Variants in CSMD1 observed in about 807,000 individuals in gnomAD.
CSMD1 encodes CUB and Sushi multiple domains 1.
In CSMD1, 213 loss-of-function variants were observed where a neutral mutation model predicts 417.5. That is an observed-to-expected ratio of 0.51 (90% confidence interval 0.46 to 0.57). CSMD1 has a LOEUF of 0.57. Ranked by LOEUF, CSMD1 falls within the 20% of genes least tolerant of loss-of-function variation. The probability of loss-of-function intolerance (pLI) is 0.00; values close to 1 mark genes in which losing one functional copy is unlikely to be tolerated. For synonymous variants in CSMD1, 2,862 were observed against 1,736.8 expected, an observed-to-expected ratio of 1.65 and a Z score of -16.11; for missense variants, 6,923 against 4,529.7, an observed-to-expected ratio of 1.53 and a Z score of -15.17.
At chr8:4,870,251 C>T (rs1274819007) in intron 1 of CSMD1, among the ~76,000 whole-genome samples, 1 of 152,042 alleles carries the variant, frequency 6.6e-6, no homozygotes, top group Non-Finnish European at 1.5e-5. Flanking sequence ...AAACTGGAAA[C>T]ATCTAGGTTT....
chr8:4,793,878 T>A (rs1267093279), intron 1 of CSMD1, among the ~76,000 whole-genome samples: 1 of 149,810 alleles, frequency 6.7e-6, no homozygotes, highest in Admixed American at 6.6e-5. Flanking sequence ...AGTTTGTTAA[T>A]AAGAATGATC....
At position 3,190,870 on chromosome 8, in the gene CSMD1, G is replaced by T. The variant is rs151108864; in HGVS notation, c.5195-755C>A. On this transcript the variant is annotated intron_variant, in intron 33 of 69. Transcript: ENST00000635120. ...AATAAGCAAATAAGCAGCCACAGAA[G>T]AACGAATACCTTATGATTCTACTTC... is the stretch of plus-strand genomic sequence containing the variant. Among the ~76,000 whole-genome samples, 334 of 152,282 alleles carry T rather than the reference G, an allele frequency of 2.2e-3. 3 individuals are homozygous for T. Among genetic ancestry groups the T allele is most frequent in the African/African-American group, 7.6e-3 (318 of 41,570 alleles).
intron 26 of CSMD1, among the ~76,000 whole-genome samples, chr8:3,243,633 G>A (rs1399705712): frequency 6.6e-6 from 1 of 152,080 alleles, no homozygotes; most frequent in African/African-American, 2.4e-5. Flanking sequence ...CATCAGTTAA[G>A]GCAGGAACTG....
intron 5 of CSMD1, among the ~76,000 whole-genome samples, chr8:3,787,011 C>T (rs1318367744): frequency 2.0e-5 from 3 of 152,154 alleles, no homozygotes; most frequent in Non-Finnish European, 4.4e-5. Context: ...GGGTCAGGAT[C>T]TGAAGTCTAA....
intron 3 of CSMD1, among the ~76,000 whole-genome samples, chr8:4,317,900 T>C (rs556648952): frequency 6.6e-6 from 1 of 152,296 alleles, no homozygotes; most frequent in Admixed American, 6.5e-5. Flanking sequence ...TTCAGATGTG[T>C]TGGAAAGGAG....
At chr8:3,075,626 A>G (rs1356130262) in intron 49 of CSMD1, among the ~76,000 whole-genome samples, 1 of 152,140 alleles carries the variant, frequency 6.6e-6, no homozygotes, top group Non-Finnish European at 1.5e-5. Flanking sequence ...ATACATTTAT[A>G]GAGGTATGAC....
chr8:4,619,382 G>C (rs1319930036), intron 2 of CSMD1, among the ~76,000 whole-genome samples: 5 of 152,146 alleles, frequency 3.3e-5, no homozygotes, highest in African/African-American at 9.7e-5. Flanking sequence ...GTCCAGTTTT[G>C]AGTGAGGATT....
At chr8:4,421,344 A>G (rs954410076) in intron 2 of CSMD1, among the ~76,000 whole-genome samples, 2 of 152,182 alleles carry the variant, frequency 1.3e-5, no homozygotes, top group African/African-American at 4.8e-5. Flanking sequence ...TTTAATCAAT[A>G]TTTATAGTAC....
At position 4,351,112 on chromosome 8, in the gene CSMD1, G is replaced by A. The variant is rs558468827; in HGVS notation, c.415+68841C>T. 9.2e-5 allele frequency among the ~76,000 whole-genome samples: 14 copies of A among 151,888 alleles called. 1 individual carries two copies. Among genetic ancestry groups the A allele is most frequent in the African/African-American group, 3.4e-4 (14 of 41,422 alleles). ...AGCCAGAGGATCGCCTGAGCCCAGG[G>A]GTTCGAGACCAGTCCGGGCAACATA... On this transcript the variant is annotated intron_variant, in intron 3 of 69. Coordinates refer to ENST00000635120, the MANE Select transcript of CSMD1 (RefSeq NM_033225.6).
intron 3 of CSMD1, among the ~76,000 whole-genome samples, chr8:4,303,476 C>G (rs1165313218): frequency 1.1e-5 from 1 of 94,942 alleles, no homozygotes; most frequent in Non-Finnish European, 1.9e-5. Context: ...GTGCTGAGCT[C>G]ATGTTGATTT....
At chr8:3,682,970 G>A (rs1402035487) in intron 7 of CSMD1, among the ~76,000 whole-genome samples, 1 of 152,010 alleles carries the variant, frequency 6.6e-6, no homozygotes, top group Non-Finnish European at 1.5e-5. Context: ...ACTGCATGTT[G>A]TCACTCATAC....
intron 3 of CSMD1, among the ~76,000 whole-genome samples, chr8:4,155,956 T>A (rs184594958): frequency 3.3e-5 from 5 of 152,200 alleles, no homozygotes; most frequent in African/African-American, 1.2e-4. Context: ...CTGCACATTT[T>A]AATCATCAAG....
At chr8:3,080,237 G>T (rs567053418) in intron 49 of CSMD1, among the ~76,000 whole-genome samples, 1 of 152,150 alleles carries the variant, frequency 6.6e-6, no homozygotes, top group African/African-American at 2.4e-5. Flanking sequence ...CTGGATCTTT[G>T]AGATAATACA....
intron 41 of CSMD1, among the ~76,000 whole-genome samples, chr8:3,135,882 G>C (rs538989687): frequency 1.3e-5 from 2 of 152,114 alleles, no homozygotes; most frequent in Non-Finnish European, 2.9e-5. Flanking sequence ...TGGTTAGATT[G>C]GGGACATATC....
chr8:3,640,693 G>A (rs11136646), intron 7 of CSMD1, among the ~76,000 whole-genome samples: 74,312 of 151,756 alleles, frequency 0.49, 18,384 homozygotes, highest in Middle Eastern at 0.63. Flanking sequence ...AAAGGAGAGT[G>A]TGTGTCTATA....
intron 5 of CSMD1, among the ~76,000 whole-genome samples, chr8:3,891,079 C>T (rs1806940806): frequency 6.6e-6 from 1 of 151,714 alleles, no homozygotes; most frequent in South Asian, 2.1e-4. Context: ...GACAGGATCT[C>T]ACTCTGTCAT....
intron 12 of CSMD1, among the ~76,000 whole-genome samples, chr8:3,458,502 G>A (rs911320507): frequency 6.6e-6 from 1 of 152,106 alleles, no homozygotes; most frequent in South Asian, 2.1e-4. Context: ...AACAAAAAAG[G>A]GTGATGACTG....
intron 49 of CSMD1, among the ~76,000 whole-genome samples, chr8:3,064,066 T>C (rs1812762237): frequency 6.6e-6 from 1 of 152,248 alleles, no homozygotes; most frequent in African/African-American, 2.4e-5. Context: ...TCAATTTTCA[T>C]TCTCTTTCAT....
rs565261872 is a variant in CSMD1 at position 3,929,374 on chromosome 8, C to T, written c.818+68529G>A. Among the ~76,000 whole-genome samples, 8 of 150,544 alleles carry T rather than the reference C, an allele frequency of 5.3e-5. No homozygotes were observed. The South Asian group carries it at 6.4e-4, about 12-fold the overall frequency. On this transcript the variant is annotated intron_variant, in intron 5 of 69. Coordinates refer to ENST00000635120, the MANE Select transcript of CSMD1 (RefSeq NM_033225.6). The stretch of plus-strand genomic sequence containing the variant: ...ATACTAGACATTATTTGAAAAAGTT[C>T]GTGAATGTTCACAGCCAAGGGTGAC...
Sources: gnomAD v4.1 joint callset for allele counts (sites outside exome capture counted in the v4.1 genomes callset) on GRCh38, gnomAD v4.1.1 for gene constraint, MANE v1.5 for transcripts, NCBI Gene and HGNC (gene_info 2026-07-23, HGNC 2026-07-21) for gene names.